The following GPR132 variants were observed in gnomAD, a reference collection of about 807,000 sequenced individuals.
The protein encoded by GPR132 is G protein-coupled receptor 132, also known as probable G protein-coupled receptor 132.
GPR132 carries 4 observed loss-of-function variants against 1.9 expected under a neutral mutation model. The ratio of observed to expected loss-of-function variants is 2.13; its 90% CI spans 1.05 to 4.87. GPR132 has a LOEUF of 4.87. GPR132 is among the 30% of genes most tolerant of loss of function. The probability of loss-of-function intolerance (pLI) is 0.01; values close to 1 mark genes in which losing one functional copy is unlikely to be tolerated. For missense variants in GPR132, 404 were observed against 512.5 expected (o/e 0.79, Z 2.04); for synonymous variants, 233 against 234.2 (o/e 0.99, Z 0.05).
intron 1 of GPR132, among the ~76,000 whole-genome samples, chr14:105,058,394 G>T (rs1886856071): frequency 6.6e-6 from 1 of 152,168 alleles, no homozygotes; most frequent in South Asian, 2.1e-4. Flanking sequence ...TCTGAAAAAT[G>T]TTCAACTCCA....
At chr14:105,054,346 C>A in intron 3 of GPR132, 1 of 985,314 alleles carries the variant, frequency 1.0e-6, no homozygotes, top group African/African-American at 1.7e-5. Context: ...TACTTGAGGG[C>A]CTGTTGACCT....
rs568825901 is a variant in GPR132 at position 105,056,359 on chromosome 14, C to T, written c.-746-193G>A. Among the ~76,000 whole-genome samples, 18 of 152,322 alleles carry T rather than the reference C, an allele frequency of 1.2e-4. No homozygotes were observed. In the South Asian group the frequency reaches 1.5e-3, roughly 12 times the overall value. Reference sequence around the variant, plus strand: ...TTTTCCCATCAAACGAGTGCCCCAGCCCCGCTGTGCGAGTCCTGAGCTCAG... The same window carrying T: ...TTTTCCCATCAAACGAGTGCCCCAGTCCCGCTGTGCGAGTCCTGAGCTCAG... On this transcript the variant is annotated intron_variant, in intron 2 of 3. Coordinates refer to ENST00000329797, the MANE Select transcript of GPR132 (RefSeq NM_013345.4). The surrounding 1 kb of genome is among the most constrained non-coding windows in gnomAD (Gnocchi z 6.0).
intron 1 of GPR132, among the ~76,000 whole-genome samples, chr14:105,061,358 G>C (rs917642661): frequency 2.6e-5 from 4 of 152,240 alleles, no homozygotes; most frequent in Admixed American, 2.0e-4. Flanking sequence ...CCTGGACCAG[G>C]GTCCGGGGTC....
rs748559080 is a variant in GPR132 at position 105,051,639 on chromosome 14, G to A, written c.498C>T (p.Ile166=). ...RRTAILISAC[I]FILVGIVHYP... ...AGTGAACGATCCCGACGAGGATGAAGATGCAGGCGGAGATGAGGATGGCGG... is the reference window on the plus strand; with the variant it reads ...AGTGAACGATCCCGACGAGGATGAAAATGCAGGCGGAGATGAGGATGGCGG... The change falls in exon 4 of 4, where the codon ATC becomes ATT. Residue 166 remains isoleucine (I), a synonymous_variant. Transcript: ENST00000329797. The surrounding 1 kb of genome is among the most constrained non-coding windows in gnomAD (Gnocchi z 8.0). 6.2e-7 allele frequency: 1 copy of A among 1,614,030 alleles called. No individual in the cohort carries two copies. The highest frequency in any genetic ancestry group is 8.5e-7 in the Non-Finnish European group (1 of 1,180,044).
rs1886915882 is a variant in GPR132, at chr14:105,060,624, CCACTGCCTGAGGCCCCTGGGCCCCA to C, written c.-860-3369_-860-3345del. Among the ~76,000 whole-genome samples the C allele has an allele frequency of 6.6e-6, 1 of 152,238 alleles. No individual in the cohort carries two copies. The highest frequency in any genetic ancestry group is 1.5e-5 in the Non-Finnish European group (1 of 68,040). ...AATGAGCAGGAGTGAGCACATGGAG[CCACTGCCTGAGGCCCCTGGGCCCCA>C]TCAGAACGCCTGAGCCGCCCAGGAA... On this transcript the variant is annotated intron_variant, in intron 1 of 3. Transcript: ENST00000329797. This position sits in a 1 kb window ranked among gnomAD's most constrained non-coding sequence, Gnocchi z 6.3.
intron 1 of GPR132, among the ~76,000 whole-genome samples, chr14:105,065,169 G>A (rs554117719): frequency 5.9e-5 from 9 of 152,244 alleles, no homozygotes; most frequent in South Asian, 2.1e-4. Flanking sequence ...CAAATCCTCC[G>A]GCCCCATCAC....
At chr14:105,063,467 C>T (rs542766176) in intron 1 of GPR132, among the ~76,000 whole-genome samples, 7 of 150,718 alleles carry the variant, frequency 4.6e-5, no homozygotes, top group South Asian at 2.1e-4. Context: ...CTCTGCCTCC[C>T]GGGTTCAAGT....
intron 1 of GPR132, among the ~76,000 whole-genome samples, chr14:105,061,366 G>T (rs1162434476): frequency 6.6e-6 from 1 of 152,238 alleles, no homozygotes; most frequent in East Asian, 1.9e-4. Flanking sequence ...AGGGTCCGGG[G>T]TCCCGCCAGC....
Position 105,052,095 on chromosome 14 carries a change from G to A in GPR132, c.42C>T (p.Ala14=), listed in dbSNP as rs1409122423. 2.6e-6 allele frequency: 4 copies of A among 1,563,932 alleles called. 1 individual carries two copies. The Middle Eastern group carries it at 5.1e-4, about 199-fold the overall frequency. ...MLLKNGYNGN[A]TPVTTTAPWA... is the part of the protein sequence containing the mutation. Reference sequence around the variant, plus strand: ...ACGGGGCAGTGGTGGTCACTGGGGTGGCGTTTCCTGTGGGACAGAGACAAG... The same window carrying A: ...ACGGGGCAGTGGTGGTCACTGGGGTAGCGTTTCCTGTGGGACAGAGACAAG... The change falls in exon 4 of 4, where the codon GCC becomes GCT. Residue 14 remains alanine, a synonymous_variant. Transcript: ENST00000329797.
At chr14:105,065,002 C>A (rs1170419220) in intron 1 of GPR132, among the ~76,000 whole-genome samples, 1 of 152,020 alleles carries the variant, frequency 6.6e-6, no homozygotes. Flanking sequence ...CCCGACCAAT[C>A]ACGGAAGCAA....
At chr14:105,061,594 C>T (rs938071847) in intron 1 of GPR132, among the ~76,000 whole-genome samples, 1 of 152,180 alleles carries the variant, frequency 6.6e-6, no homozygotes, top group African/African-American at 2.4e-5. Context: ...AGGTCACCCA[C>T]ATTTCAGGCC....
intron 3 of GPR132, among the ~76,000 whole-genome samples, chr14:105,052,442 C>A (rs1344779425): frequency 1.3e-5 from 2 of 152,058 alleles, no homozygotes; most frequent in East Asian, 3.9e-4. Context: ...ATTCTCCTGC[C>A]TCAGCCTCCC....
rs74090199 is a variant in GPR132 at position 105,050,658 on chromosome 14, G to A, written c.*336C>T. ...AGTCATCGCCACTGATGCGAACAGG[G>A]CAGCCACCAGGTACCTCTGCCAGCA... On this transcript the variant is annotated 3_prime_UTR_variant, in exon 4 of 4. Transcript: ENST00000329797. This position sits in a 1 kb window ranked among gnomAD's most constrained non-coding sequence, Gnocchi z 4.0. 95 of 410,058 alleles carry A rather than the reference G, an allele frequency of 2.3e-4. No homozygotes were observed. Among genetic ancestry groups the A allele is most frequent in the African/African-American group, 1.5e-3 (77 of 50,284 alleles). 25.4% of individuals were successfully genotyped at this position (410,058 alleles called of 1,614,324 possible). A position where few individuals can be genotyped will look rare whatever the true frequency, so the allele number is the denominator to read the frequency against.
chr14:105,050,978 CT>C lies in GPR132; in HGVS notation c.*15del, dbSNP rs1886618493. 3 of 1,602,462 alleles carry C rather than the reference CT, an allele frequency of 1.9e-6. No homozygotes were observed. In the East Asian group the frequency reaches 6.7e-5, roughly 36 times the overall value. On this transcript the variant is annotated 3_prime_UTR_variant, in exon 4 of 4. Transcript: ENST00000329797. This position sits in a 1 kb window ranked among gnomAD's most constrained non-coding sequence, Gnocchi z 4.0. ...CCAGGACCCCCAACCTGCCATCCCC[CT>C]GCCACACAGTGGGCTCAGCAGGACT...
rs74090198 is a variant in GPR132, at chr14:105,050,625, G to A, written c.*369C>T. 2,192 of 269,424 alleles carry A rather than the reference G, an allele frequency of 8.1e-3. 62 individuals carry two copies. The highest frequency in any genetic ancestry group is 0.044 in the African/African-American group (2,000 of 45,684). 16.7% of individuals were successfully genotyped at this position (269,424 alleles called of 1,614,324 possible). Reference sequence around the variant, plus strand: ...CAGGCAACGCTTGCAGAAATGCTCCGCAAATAAAGTCATCGCCACTGATGC... The same window carrying A: ...CAGGCAACGCTTGCAGAAATGCTCCACAAATAAAGTCATCGCCACTGATGC... On this transcript the variant is annotated 3_prime_UTR_variant, in exon 4 of 4. Transcript: ENST00000329797. The surrounding 1 kb of genome is among the most constrained non-coding windows in gnomAD (Gnocchi z 4.0).
chr14:105,056,002 C>A lies in GPR132; in HGVS notation c.-582G>T. The A allele has an allele frequency of 3.6e-6, 1 of 274,618 alleles. No individual in the cohort carries two copies. Among genetic ancestry groups the A allele is most frequent in the Non-Finnish European group, 5.6e-6 (1 of 179,764 alleles). 17.0% of individuals were successfully genotyped at this position (274,618 alleles called of 1,614,324 possible). A position where few individuals can be genotyped will look rare whatever the true frequency, so the allele number is the denominator to read the frequency against. ...CCACAGTTGGCATTGCTGGATCTCA[C>A]GGCAGTTCCGTCTCATCTCGTGGGG... On this transcript the variant is annotated 5_prime_UTR_variant, in exon 3 of 4. Transcript: ENST00000329797. This position sits in a 1 kb window ranked among gnomAD's most constrained non-coding sequence, Gnocchi z 6.0.
At chr14:105,063,985 G>A (rs1163926455) in intron 1 of GPR132, among the ~76,000 whole-genome samples, 6 of 152,060 alleles carry the variant, frequency 3.9e-5, no homozygotes, top group South Asian at 2.1e-4. Flanking sequence ...GATTACAGGC[G>A]TGTGCCACCA....
Position 105,056,187 on chromosome 14 carries a change from G to GGTGTGACT in GPR132, c.-746-29_-746-22dup. 1.0e-6 allele frequency: 1 copy of GGTGTGACT among 985,212 alleles called. No individual in the cohort carries two copies. The highest frequency in any genetic ancestry group is 1.2e-6 in the Non-Finnish European group (1 of 829,580). The allele number at this position is 985,212 out of a possible 1,614,324, so 61.0% of individuals were successfully genotyped here. ...CCTCCCTGGGCAGAGGGAGAGAGTG[G>GGTGTGACT]GTGTGACTGGGCTGCCTCACACTCA... On this transcript the variant is annotated intron_variant, in intron 2 of 3. Transcript: ENST00000329797. The surrounding 1 kb of genome is among the most constrained non-coding windows in gnomAD (Gnocchi z 6.0).
chr14:105,056,466 A>C lies in GPR132; in HGVS notation c.-746-300T>G, dbSNP rs1057271757. ...GGGAGGCAGAGCCAGAATCCAAAAC[A>C]CAAGGGGAGATGCAGGCAAGACCCG... On this transcript the variant is annotated intron_variant, in intron 2 of 3. Coordinates refer to ENST00000329797, the MANE Select transcript of GPR132 (RefSeq NM_013345.4). The surrounding 1 kb of genome is among the most constrained non-coding windows in gnomAD (Gnocchi z 6.0). Among the ~76,000 whole-genome samples the C allele has an allele frequency of 6.6e-6, 1 of 152,134 alleles. No homozygotes were observed. The highest frequency in any genetic ancestry group is 2.4e-5 in the African/African-American group (1 of 41,424).
Sources: allele counts gnomAD v4.1 joint callset (sites outside exome capture counted in the v4.1 genomes callset), GRCh38; gene constraint gnomAD v4.1.1; non-coding constraint Gnocchi (gnomAD v3.1); transcripts MANE v1.5; gene names NCBI Gene and HGNC (gene_info 2026-07-23, HGNC 2026-07-21).